ASIC2: variants seen among roughly 807,000 people sequenced by gnomAD.
ASIC2 encodes acid-sensing ion channel 2.
A neutral mutation model predicts 57.3 loss-of-function variants in ASIC2; 25 were observed. That is an observed-to-expected ratio of 0.44 (90% CI 0.32 to 0.61). ASIC2 has a LOEUF of 0.61. ASIC2 is among the 20% of genes least tolerant of loss of function. ASIC2 has a pLI of 0.06. For missense variants in ASIC2, 641 were observed against 738.1 expected (o/e 0.87, Z 1.52); for synonymous variants, 319 against 307.5 (o/e 1.04, Z -0.39).
intron 1 of ASIC2, among the ~76,000 whole-genome samples, chr17:33,777,805 C>A (rs561198913): frequency 6.6e-6 from 1 of 152,182 alleles, no homozygotes; most frequent in Non-Finnish European, 1.5e-5. Context: ...CGGTTATTAT[C>A]GTAACAAGAC....
At chr17:33,863,563 T>C (rs773443358) in intron 1 of ASIC2, among the ~76,000 whole-genome samples, 1 of 152,186 alleles carries the variant, frequency 6.6e-6, no homozygotes, top group Non-Finnish European at 1.5e-5. Context: ...CTTTGGAGCC[T>C]GCAACAACTG....
chr17:34,012,369 C>T (rs973170057), intron 1 of ASIC2, among the ~76,000 whole-genome samples: 3 of 152,200 alleles, frequency 2.0e-5, no homozygotes, highest in African/African-American at 7.2e-5. Flanking sequence ...TTCTCTGGTG[C>T]CACTCCCTTG....
chr17:33,063,401 T>A (rs1233573918), intron 3 of ASIC2, among the ~76,000 whole-genome samples: 2 of 152,224 alleles, frequency 1.3e-5, no homozygotes, highest in Non-Finnish European at 2.9e-5. Flanking sequence ...TAAAGTATTT[T>A]ATTTCTCCTT....
chr17:33,553,481 T>C (rs1340207180), intron 1 of ASIC2, among the ~76,000 whole-genome samples: 1 of 145,566 alleles, frequency 6.9e-6, no homozygotes, highest in Non-Finnish European at 1.5e-5. Context: ...GGGAGGCAGA[T>C]CCTTTATTAT....
At chr17:33,426,229 T>C (rs532059419) in intron 1 of ASIC2, among the ~76,000 whole-genome samples, 13 of 152,322 alleles carry the variant, frequency 8.5e-5, no homozygotes, top group Non-Finnish European at 1.8e-4. Flanking sequence ...TGGGGGATTA[T>C]TAAATAATCA....
chr17:33,231,222 G>A (rs1443862064), intron 1 of ASIC2, among the ~76,000 whole-genome samples: 3 of 152,176 alleles, frequency 2.0e-5, no homozygotes, highest in South Asian at 2.1e-4. Context: ...TCAGGACATG[G>A]CATCAACTGG....
intron 1 of ASIC2, among the ~76,000 whole-genome samples, chr17:33,898,654 A>G (rs1567750266): frequency 6.6e-6 from 1 of 152,318 alleles, no homozygotes; most frequent in Admixed American, 6.5e-5. Flanking sequence ...TTTTTCCACT[A>G]GTGTCCTTTT....
chr17:33,151,928 C>A (rs560798448), intron 1 of ASIC2, among the ~76,000 whole-genome samples: 1 of 152,276 alleles, frequency 6.6e-6, no homozygotes, highest in South Asian at 2.1e-4. Context: ...TTCTAAAGCC[C>A]AAGATGTAAG....
intron 1 of ASIC2, among the ~76,000 whole-genome samples, chr17:34,143,193 A>C (rs1315144902): frequency 6.6e-6 from 1 of 152,240 alleles, no homozygotes; most frequent in Non-Finnish European, 1.5e-5. Flanking sequence ...AAAGGGAATC[A>C]GAAAGCATGA....
intron 1 of ASIC2, among the ~76,000 whole-genome samples, chr17:33,362,364 A>G (rs1908644354): frequency 6.6e-6 from 1 of 152,204 alleles, no homozygotes; most frequent in Admixed American, 6.5e-5. Context: ...TTGATGGGCA[A>G]ATAGCTGGTG....
chr17:33,404,870 G>T (rs779783894), intron 1 of ASIC2, among the ~76,000 whole-genome samples: 3 of 152,164 alleles, frequency 2.0e-5, no homozygotes, highest in Non-Finnish European at 4.4e-5. Context: ...ACTACTTGAT[G>T]TCTTTTCCAT....
chr17:33,411,831 C>T (rs953463456), intron 1 of ASIC2, among the ~76,000 whole-genome samples: 9 of 152,176 alleles, frequency 5.9e-5, no homozygotes, highest in Non-Finnish European at 1.3e-4. Flanking sequence ...TGGATAATCA[C>T]GTCCACTTTA....
intron 1 of ASIC2, among the ~76,000 whole-genome samples, chr17:33,147,695 A>G (rs1186108512): frequency 6.6e-6 from 1 of 152,180 alleles, no homozygotes; most frequent in East Asian, 1.9e-4. Context: ...AAATGACCCC[A>G]CACTACAGTG....
chr17:33,987,224 T>A (rs1905849062), intron 1 of ASIC2, among the ~76,000 whole-genome samples: 1 of 152,130 alleles, frequency 6.6e-6, no homozygotes, highest in South Asian at 2.1e-4. Context: ...TTGAACCAAC[T>A]CGGCTGCTCC....
chr17:33,554,671 G>A (rs1033811281), intron 1 of ASIC2, among the ~76,000 whole-genome samples: 7 of 152,086 alleles, frequency 4.6e-5, no homozygotes, highest in Non-Finnish European at 7.4e-5. Context: ...GGCAAGGGAG[G>A]TGGGTCTGAA....
chr17:33,185,091 T>A (rs559568742), intron 1 of ASIC2, among the ~76,000 whole-genome samples: 2 of 152,304 alleles, frequency 1.3e-5, no homozygotes, highest in East Asian at 1.9e-4. Flanking sequence ...AAAACTACAA[T>A]AATAACAGAA....
At chr17:33,223,090 C>A (rs1205761909) in intron 1 of ASIC2, among the ~76,000 whole-genome samples, 1 of 152,194 alleles carries the variant, frequency 6.6e-6, no homozygotes, top group Non-Finnish European at 1.5e-5. Flanking sequence ...CTAATTAACC[C>A]TATTTTAGAT....
At chr17:33,568,860 T>A (rs1314757205) in intron 1 of ASIC2, among the ~76,000 whole-genome samples, 1 of 152,192 alleles carries the variant, frequency 6.6e-6, no homozygotes, top group African/African-American at 2.4e-5. Flanking sequence ...TGGAGAACTG[T>A]GTATATTTTG....
At chr17:33,784,120 A>G (rs187443270) in intron 1 of ASIC2, among the ~76,000 whole-genome samples, 35 of 152,256 alleles carry the variant, frequency 2.3e-4, no homozygotes, top group Admixed American at 1.3e-4. Context: ...AAGTGCTGTG[A>G]AGTTAGGGAG....
Sources: gnomAD v4.1 joint callset for allele counts (sites outside exome capture counted in the v4.1 genomes callset) on GRCh38, gnomAD v4.1.1 for gene constraint, MANE v1.5 for transcripts, NCBI Gene and HGNC (gene_info 2026-07-23, HGNC 2026-07-21) for gene names.